CTNNA3: variants seen among roughly 807,000 people sequenced by gnomAD.
CTNNA3 encodes the protein catenin alpha-3.
In CTNNA3, 76 loss-of-function variants were observed where a neutral mutation model predicts 95.7. The observed-to-expected ratio is 0.79, with a 90% CI of 0.66 to 0.96. The LOEUF (loss-of-function observed/expected upper bound fraction) is 0.96. Ranked by LOEUF, CTNNA3 falls within the 40% of genes least tolerant of loss-of-function variation. The probability of loss-of-function intolerance (pLI) is 0.00; values close to 1 mark genes in which losing one functional copy is unlikely to be tolerated. For synonymous variants in CTNNA3, 431 were observed against 374.4 expected, an observed-to-expected ratio of 1.15 and a Z score of -1.74; for missense variants, 1,191 against 1,089.8, an observed-to-expected ratio of 1.09 and a Z score of -1.31.
intron 12 of CTNNA3, among the ~76,000 whole-genome samples, chr10:66,303,325 T>C (rs1446251513): frequency 6.6e-6 from 1 of 152,164 alleles, no homozygotes. Context: ...GAAACAATAG[T>C]TATGAAAATT....
chr10:67,324,638 C>T (rs774470873), intron 5 of CTNNA3, among the ~76,000 whole-genome samples: 4 of 151,616 alleles, frequency 2.6e-5, no homozygotes, highest in African/African-American at 4.8e-5. Flanking sequence ...ATTCAGTTTA[C>T]CAGTATTTTG....
At chr10:66,123,838 A>G (rs2082700058) in intron 13 of CTNNA3, among the ~76,000 whole-genome samples, 2 of 152,186 alleles carry the variant, frequency 1.3e-5, no homozygotes, top group Admixed American at 6.5e-5. Context: ...TGGCTGGAGC[A>G]GCTGGGAGGC....
At chr10:66,131,414 G>T (rs565002913) in intron 13 of CTNNA3, among the ~76,000 whole-genome samples, 1 of 152,264 alleles carries the variant, frequency 6.6e-6, no homozygotes, top group South Asian at 2.1e-4. Context: ...TTCAACATAT[G>T]CAGATCAATA....
chr10:66,169,641 A>G (rs1461542341), intron 13 of CTNNA3, among the ~76,000 whole-genome samples: 1 of 152,168 alleles, frequency 6.6e-6, no homozygotes, highest in African/African-American at 2.4e-5. Flanking sequence ...TCCCACCAGC[A>G]GTGTAGAAGT....
At chr10:66,840,702 T>A (rs1467287243) in intron 7 of CTNNA3, among the ~76,000 whole-genome samples, 1 of 152,132 alleles carries the variant, frequency 6.6e-6, no homozygotes, top group Non-Finnish European at 1.5e-5. Flanking sequence ...AAGGTCTGTA[T>A]ATCAAAATAA....
rs962631358 is a variant in CTNNA3 at position 66,044,189 on chromosome 10, G to A, written c.2159+25119C>T. ...GCATCTTTAGTACAGACGGAGTTTC[G>A]CCATGTTTGCCAGGCTGGCCTCAAA... On this transcript the variant is annotated intron_variant, in intron 15 of 17. Transcript: ENST00000433211. 8.5e-5 allele frequency among the ~76,000 whole-genome samples: 13 copies of A among 152,134 alleles called. No individual in the cohort carries two copies. The East Asian group carries it at 1.4e-3, about 16-fold the overall frequency.
At chr10:66,072,003 G>C (rs970499693) in intron 14 of CTNNA3, among the ~76,000 whole-genome samples, 1 of 152,156 alleles carries the variant, frequency 6.6e-6, no homozygotes, top group African/African-American at 2.4e-5. Context: ...ACAAGATAGT[G>C]ATATATGCTT....
At chr10:66,141,353 T>C (rs1450942787) in intron 13 of CTNNA3, among the ~76,000 whole-genome samples, 1 of 151,976 alleles carries the variant, frequency 6.6e-6, no homozygotes, top group Non-Finnish European at 1.5e-5. Flanking sequence ...TAGTTTAATA[T>C]TTAAAATTTC....
At chr10:66,702,823 T>C (rs1413019278) in intron 9 of CTNNA3, among the ~76,000 whole-genome samples, 2 of 151,910 alleles carry the variant, frequency 1.3e-5, no homozygotes, top group African/African-American at 4.8e-5. Flanking sequence ...CATGATTTCT[T>C]GTGCTGTTAT....
chr10:67,332,015 G>T (rs1049476280), intron 5 of CTNNA3, among the ~76,000 whole-genome samples: 1 of 152,128 alleles, frequency 6.6e-6, no homozygotes, highest in Non-Finnish European at 1.5e-5. Context: ...ATGACTGAAT[G>T]AATGAAGTGC....
intron 10 of CTNNA3, among the ~76,000 whole-genome samples, chr10:66,609,228 T>G (rs1844241526): frequency 6.6e-6 from 1 of 150,756 alleles, no homozygotes; most frequent in Non-Finnish European, 1.5e-5. Context: ...CCAGGCTAAA[T>G]TTTTTTTGTA....
intron 7 of CTNNA3, among the ~76,000 whole-genome samples, chr10:66,840,364 TCTCTCTCTCA>T (rs1333770720): frequency 3.5e-3 from 322 of 92,910 alleles, no homozygotes; most frequent in African/African-American, 0.016. Flanking sequence ...TCTCTCTCTC[TCTCTCTCTCA>T]CACACACACA....
intron 7 of CTNNA3, among the ~76,000 whole-genome samples, chr10:66,841,193 T>G (rs2132348443): frequency 6.6e-6 from 1 of 152,310 alleles, no homozygotes; most frequent in East Asian, 1.9e-4. Context: ...CTCCTAAGAA[T>G]GCAAACTGGT....
At chr10:66,413,778 G>A (rs1247785046) in intron 11 of CTNNA3, among the ~76,000 whole-genome samples, 1 of 152,192 alleles carries the variant, frequency 6.6e-6, no homozygotes, top group Non-Finnish European at 1.5e-5. Context: ...ACAAAGGAAA[G>A]TGTGGATTCT....
chr10:66,284,149 C>T (rs749301307), intron 12 of CTNNA3, among the ~76,000 whole-genome samples: 2 of 151,892 alleles, frequency 1.3e-5, no homozygotes, highest in African/African-American at 2.4e-5. Flanking sequence ...CTATTTTACA[C>T]AGCCAAATTC....
chr10:66,560,177 ACTC>A (rs1842509330), intron 10 of CTNNA3, among the ~76,000 whole-genome samples: 1 of 151,298 alleles, frequency 6.6e-6, no homozygotes, highest in South Asian at 2.1e-4. Context: ...CATAATAAAA[ACTC>A]CTTGTGTTCC....
At chr10:66,973,389 T>C (rs1589523549) in intron 7 of CTNNA3, among the ~76,000 whole-genome samples, 1 of 152,174 alleles carries the variant, frequency 6.6e-6, no homozygotes, top group Non-Finnish European at 1.5e-5. Flanking sequence ...ATAATTTGTA[T>C]TAACAAATGA....
intron 5 of CTNNA3, among the ~76,000 whole-genome samples, chr10:67,416,859 G>C (rs1845564282): frequency 1.3e-5 from 2 of 152,146 alleles, no homozygotes; most frequent in Admixed American, 1.3e-4. Flanking sequence ...AATGTAATTA[G>C]TACGGCCACT....
intron 7 of CTNNA3, among the ~76,000 whole-genome samples, chr10:67,148,371 C>T (rs1420012759): frequency 6.6e-6 from 1 of 152,142 alleles, no homozygotes; most frequent in Non-Finnish European, 1.5e-5. Flanking sequence ...CAAGCCAGTG[C>T]AGAAGGAAAA....
Sources: allele counts gnomAD v4.1 joint callset (sites outside exome capture counted in the v4.1 genomes callset), GRCh38; gene constraint gnomAD v4.1.1; transcripts MANE v1.5; gene names NCBI Gene and HGNC (gene_info 2026-07-23, HGNC 2026-07-21).